Variants in FAAP20 observed in about 807,000 individuals in gnomAD.
FAAP20 encodes the protein FA core complex associated protein 20.
FAAP20 carries 12 observed loss-of-function variants against 16.2 expected under a neutral mutation model. That is an observed-to-expected ratio of 0.74 (90% CI 0.48 to 1.20). The LOEUF is 1.20. Among genes scored for constraint, FAAP20 ranks in the 50% most tolerant of loss-of-function variants. The pLI is 0.00. For synonymous variants in FAAP20, 141 were observed against 110.7 expected, an observed-to-expected ratio of 1.27 and a Z score of -1.72; for missense variants, 288 against 245.8, an observed-to-expected ratio of 1.17 and a Z score of -1.15.
downstream of FAAP20, among the ~76,000 whole-genome samples, chr1:2,209,953 G>A (rs974263791): frequency 6.6e-6 from 1 of 152,212 alleles, no homozygotes; most frequent in Non-Finnish European, 1.5e-5. Context: ...GCACTGAAAC[G>A]CTCACGGGGC....
downstream of FAAP20, chr1:2,187,224 A>G: frequency 2.1e-6 from 1 of 465,518 alleles, no homozygotes; most frequent in Non-Finnish European, 4.5e-6. Flanking sequence ...GGAAATGTTC[A>G]CATTATTATT....
upstream of FAAP20, among the ~76,000 whole-genome samples, chr1:2,197,452 G>T (rs1443582428): frequency 6.6e-6 from 1 of 152,206 alleles, no homozygotes; most frequent in African/African-American, 2.4e-5. Flanking sequence ...GGTGCCCCAA[G>T]GGTAGGAGGC....
At position 2,189,603 on chromosome 1, in the gene FAAP20, G is replaced by C. The variant is rs548206874; in HGVS notation, c.*106C>G. 2.4e-4 allele frequency: 196 copies of C among 823,624 alleles called. 2 individuals carry two copies. Among genetic ancestry groups the C allele is most frequent in the Admixed American group, 5.4e-4 (27 of 50,194 alleles). 51.0% of individuals were successfully genotyped at this position (823,624 alleles called of 1,614,324 possible). A position where few individuals can be genotyped will look rare whatever the true frequency, so the allele number is the denominator to read the frequency against. ...CCGCCCTGCTTTAATGCGCATGCGG[G>C]GGAGCCGAGAGGCGGGGCTGCTGGC... On this transcript the variant is annotated 3_prime_UTR_variant, in exon 4 of 4. Transcript: ENST00000378546.
downstream of FAAP20, among the ~76,000 whole-genome samples, chr1:2,188,495 C>G (rs1687807102): frequency 2.0e-5 from 3 of 152,196 alleles, no homozygotes; most frequent in South Asian, 6.2e-4. Flanking sequence ...CTGTGTCCCC[C>G]ACGGTAGAAG....
At chr1:2,185,920 C>T, downstream of FAAP20, 1 of 343,738 alleles carries the variant, frequency 2.9e-6, no homozygotes, top group Admixed American at 4.2e-5. Context: ...GATGACCCTA[C>T]AAACACCCAG....
upstream of FAAP20, chr1:2,194,796 C>CG: frequency 9.4e-7 from 1 of 1,064,906 alleles, no homozygotes; most frequent in Non-Finnish European, 1.1e-6. Context: ...GCCCCCGCCC[C>CG]TCCAGGCCCC....
At chr1:2,194,158 A>G (rs975428510) in intron 1 of FAAP20, 25 bp from the exon 2 acceptor site, 27 of 1,609,220 alleles carry the variant, frequency 1.7e-5, no homozygotes, top group Middle Eastern at 1.7e-4. Flanking sequence ...GAGGGCAGAC[A>G]GGGGGTACTC....
intron 3 of FAAP20, chr1:2,191,901 T>C (rs1000939109): frequency 3.0e-6 from 3 of 985,310 alleles, no homozygotes; most frequent in African/African-American, 1.7e-5. Context: ...AATGTCCAAA[T>C]AGGACCACAA....
rs1401886767 is a variant in FAAP20 at position 2,194,699 on chromosome 1, G to A, written c.51C>T (p.Arg17=). ...GCTCCCGGCCTCACCCGCCCGCCGG[G>A]CGCGGCCTCCGGCGGCTCAACCCCA... The part of the protein sequence containing the change: ...PRLGLSRRRP[R]PAGGPSGGRP... The change falls in exon 1 of 4, where the codon CGC becomes CGT. Residue 17 remains arginine, a synonymous_variant. Coordinates refer to ENST00000378546, the MANE Select transcript of FAAP20 (RefSeq NM_182533.4). 1 of 1,169,360 alleles carries A rather than the reference G, an allele frequency of 8.6e-7. No individual in the cohort carries two copies. The highest frequency in any genetic ancestry group is 1.1e-6 in the Non-Finnish European group (1 of 949,950). 72.4% of individuals were successfully genotyped at this position (1,169,360 alleles called of 1,614,324 possible).
At chr1:2,204,388 C>T (rs1298952269), upstream of FAAP20, among the ~76,000 whole-genome samples, 1 of 152,240 alleles carries the variant, frequency 6.6e-6, no homozygotes. Flanking sequence ...TGGGACGTGC[C>T]CTGGGGACGG....
chr1:2,192,990 G>C, intron 3 of FAAP20: 1 of 1,303,950 alleles, frequency 7.7e-7, no homozygotes, highest in South Asian at 1.2e-5. Context: ...AAGACCAGGG[G>C]CATCAGGCAT....
At chr1:2,187,110 C>A, downstream of FAAP20, 1 of 461,620 alleles carries the variant, frequency 2.2e-6, no homozygotes. Context: ...TGGTGCGGGG[C>A]AACTGCCCAT....
chr1:2,198,910 G>A (rs1395522647), upstream of FAAP20: 1 of 1,289,822 alleles, frequency 7.8e-7, no homozygotes, highest in Admixed American at 2.3e-5. Context: ...GTGCCAGGCA[G>A]ACAGGCTGTG....
At position 2,199,806 on chromosome 1, in the gene FAAP20, A is replaced by G. The variant is rs772519231; in HGVS notation, n.102T>C. 235 of 259,590 alleles carry G rather than the reference A, an allele frequency of 9.1e-4. No individual in the cohort carries two copies. Among genetic ancestry groups the G allele is most frequent in the Non-Finnish European group, 1.3e-3 (214 of 166,404 alleles). The allele number at this position is 259,590 out of a possible 1,614,324, so 16.1% of individuals were successfully genotyped here. On this transcript the variant is annotated non_coding_transcript_exon_variant, in exon 1 of 4. Coordinates refer to the FAAP20 transcript ENST00000401813. This position sits in a 1 kb window ranked among gnomAD's most constrained non-coding sequence, Gnocchi z 4.5. ...AAGAAAAGGAAAATTGTCCGGGTGC[A>G]GTGTCTCACGCCTGCAATCCCAGCA...
At chr1:2,188,550 C>T (rs112896506), downstream of FAAP20, among the ~76,000 whole-genome samples, 1 of 152,180 alleles carries the variant, frequency 6.6e-6, no homozygotes, top group Non-Finnish European at 1.5e-5. Context: ...GCACTAATCC[C>T]ATCGAGAGGC....
chr1:2,198,175 A>G (rs182809505), upstream of FAAP20: 1,377 of 1,278,966 alleles, frequency 1.1e-3, 2 homozygotes, highest in Non-Finnish European at 1.3e-3. Context: ...GTTGGGACTG[A>G]CACGTGCACA....
At chr1:2,184,892 C>A (rs778205741), downstream of FAAP20, 3 of 1,588,028 alleles carry the variant, frequency 1.9e-6, no homozygotes, top group African/African-American at 1.3e-5. Context: ...ACACGGTCAC[C>A]CCCCTCCCCC....
downstream of FAAP20, among the ~76,000 whole-genome samples, chr1:2,188,869 G>C (rs1036005108): frequency 3.9e-5 from 6 of 152,162 alleles, no homozygotes; most frequent in Non-Finnish European, 7.4e-5. Context: ...GCCGGGCGTG[G>C]TGGCGGGCGC....
chr1:2,194,390 G>A (rs1688639998), intron 1 of FAAP20, among the ~76,000 whole-genome samples: 1 of 146,208 alleles, frequency 6.8e-6, no homozygotes, highest in Non-Finnish European at 1.5e-5. Context: ...GGCGATGGTT[G>A]GGGAGATTGC....
Sources: gnomAD v4.1 joint callset for allele counts (sites outside exome capture counted in the v4.1 genomes callset) on GRCh38, gnomAD v4.1.1 for gene constraint, Gnocchi (gnomAD v3.1) non-coding constraint, MANE v1.5 for transcripts, NCBI Gene and HGNC (gene_info 2026-07-23, HGNC 2026-07-21) for gene names.